Variants in MAP3K20 observed in about 807,000 individuals in gnomAD.
MAP3K20 encodes HCCS-4.
Under a neutral mutation model 85.7 loss-of-function variants are expected in MAP3K20, and 40 were observed. That is an observed-to-expected ratio of 0.47 (90% CI 0.36 to 0.61). The LOEUF (loss-of-function observed/expected upper bound fraction) is 0.61. Ranked by LOEUF, MAP3K20 falls within the 20% of genes least tolerant of loss-of-function variation. The pLI, the probability that MAP3K20 is intolerant of heterozygous loss-of-function variation, is 0.00. For missense variants in MAP3K20, 817 were observed against 961.7 expected (o/e 0.85, Z 1.99); for synonymous variants, 325 against 327.7 (o/e 0.99, Z 0.09).
intron 2 of MAP3K20, among the ~76,000 whole-genome samples, chr2:173,097,253 G>A (rs1037726021): frequency 6.6e-6 from 1 of 152,172 alleles, no homozygotes; most frequent in Non-Finnish European, 1.5e-5. Flanking sequence ...CTACTCGGGA[G>A]GCTGAGGCAG....
chr2:173,148,061 C>A (rs1689187224), intron 2 of MAP3K20, among the ~76,000 whole-genome samples: 1 of 152,106 alleles, frequency 6.6e-6, no homozygotes, highest in Non-Finnish European at 1.5e-5. Context: ...CAGAAAGACT[C>A]AAAAATAAAT....
At chr2:173,101,417 A>G (rs1687635571) in intron 2 of MAP3K20, among the ~76,000 whole-genome samples, 1 of 152,210 alleles carries the variant, frequency 6.6e-6, no homozygotes, top group Non-Finnish European at 1.5e-5. Flanking sequence ...TCACCTTTTC[A>G]TTAAAGTATT....
chr2:173,179,704 G>GCGCGCA lies in MAP3K20; in HGVS notation c.248-3149_248-3148insGCGCAC, dbSNP rs374335619. Among the ~76,000 whole-genome samples the GCGCGCA allele has an allele frequency of 0.011, 1,624 of 146,140 alleles. 49 individuals carry two copies. The East Asian group carries it at 0.13, about 12-fold the overall frequency. ...ATAGGTAGAAAATCCTAAGGAATGC[G>GCGCGCA]CACACACACACACACACACACACAC... On this transcript the variant is annotated intron_variant, in intron 3 of 19. Transcript: ENST00000375213.
chr2:173,204,449 G>C (rs139035185), intron 9 of MAP3K20, among the ~76,000 whole-genome samples: 2 of 152,306 alleles, frequency 1.3e-5, no homozygotes, highest in African/African-American at 4.8e-5. Context: ...AGCGCTTCTA[G>C]AGCATCTTGA....
intron 3 of MAP3K20, among the ~76,000 whole-genome samples, chr2:173,180,933 T>C (rs1269383533): frequency 6.6e-6 from 1 of 152,092 alleles, no homozygotes; most frequent in Non-Finnish European, 1.5e-5. Context: ...TGAAACATGA[T>C]CTTAAGAGAA....
At chr2:173,134,853 A>T (rs1216289005) in intron 2 of MAP3K20, among the ~76,000 whole-genome samples, 1 of 152,178 alleles carries the variant, frequency 6.6e-6, no homozygotes, top group Non-Finnish European at 1.5e-5. Flanking sequence ...AAACTTGTGA[A>T]TATCTTCAGA....
At chr2:173,096,522 T>G (rs1687466377) in intron 2 of MAP3K20, among the ~76,000 whole-genome samples, 1 of 152,100 alleles carries the variant, frequency 6.6e-6, no homozygotes, top group African/African-American at 2.4e-5. Flanking sequence ...TGTAGTTTAG[T>G]AGAAACGGGG....
intron 9 of MAP3K20, among the ~76,000 whole-genome samples, chr2:173,208,170 C>A (rs576798213): frequency 6.6e-6 from 1 of 152,020 alleles, no homozygotes; most frequent in Admixed American, 6.6e-5. Context: ...GAGGCTGAGG[C>A]AGGAAGATCA....
At chr2:173,109,926 T>C (rs1450938469) in intron 2 of MAP3K20, among the ~76,000 whole-genome samples, 2 of 151,770 alleles carry the variant, frequency 1.3e-5, no homozygotes, top group Admixed American at 6.6e-5. Context: ...AAAACCATCT[T>C]TCAGTTTGGG....
At chr2:173,240,275 A>C (rs961494534) in intron 16 of MAP3K20, among the ~76,000 whole-genome samples, 1 of 152,174 alleles carries the variant, frequency 6.6e-6, no homozygotes, top group Non-Finnish European at 1.5e-5. Flanking sequence ...ACTACTCATA[A>C]TGTGGAAGCC....
At chr2:173,175,084 C>T (rs1414453882) in intron 3 of MAP3K20, among the ~76,000 whole-genome samples, 1 of 152,154 alleles carries the variant, frequency 6.6e-6, no homozygotes, top group Non-Finnish European at 1.5e-5. Context: ...TGTTGCCCCT[C>T]CCTACTTCCC....
chr2:173,103,210 C>T (rs1687684796), intron 2 of MAP3K20, among the ~76,000 whole-genome samples: 1 of 152,100 alleles, frequency 6.6e-6, no homozygotes, highest in African/African-American at 2.4e-5. Flanking sequence ...TCCCTAAAAC[C>T]TCAGGATGTC....
intron 17 of MAP3K20, among the ~76,000 whole-genome samples, chr2:173,259,324 A>C (rs1482641873): frequency 6.6e-6 from 1 of 152,182 alleles, no homozygotes; most frequent in East Asian, 1.9e-4. Flanking sequence ...CTCCAGGGTC[A>C]ATGGTGGAAG....
At chr2:173,224,636 A>G (rs1471424740) in intron 11 of MAP3K20, 1 of 985,202 alleles carries the variant, frequency 1.0e-6, no homozygotes, top group Non-Finnish European at 1.2e-6. Flanking sequence ...AAGAGCTTAA[A>G]ATTGTTCTCC....
chr2:173,131,855 A>G (rs781345819), intron 2 of MAP3K20, among the ~76,000 whole-genome samples: 2 of 152,182 alleles, frequency 1.3e-5, no homozygotes, highest in African/African-American at 4.8e-5. Context: ...AGCAGAGGCA[A>G]GGTTGGCAGC....
chr2:173,079,567 T>C (rs1368785928), intron 1 of MAP3K20, among the ~76,000 whole-genome samples: 3 of 152,212 alleles, frequency 2.0e-5, no homozygotes, highest in Non-Finnish European at 4.4e-5. Flanking sequence ...AAATAACACT[T>C]AGCTTAAAAC....
intron 11 of MAP3K20, chr2:173,226,976 G>A: frequency 2.0e-6 from 2 of 985,636 alleles, no homozygotes; most frequent in Non-Finnish European, 2.4e-6. Context: ...CTCTTGTGTG[G>A]TAAGACTATT....
At chr2:173,223,280 A>T in intron 11 of MAP3K20, 1 of 977,564 alleles carries the variant, frequency 1.0e-6, no homozygotes, top group Non-Finnish European at 1.2e-6. Context: ...CAGTTGCTTG[A>T]CAACCTTGGG....
intron 16 of MAP3K20, among the ~76,000 whole-genome samples, chr2:173,253,374 C>T (rs1283318483): frequency 6.6e-6 from 1 of 152,142 alleles, no homozygotes; most frequent in African/African-American, 2.4e-5. Flanking sequence ...GTAAAGAATG[C>T]TGAGGTTCAG....
Sources: allele counts gnomAD v4.1 joint callset (sites outside exome capture counted in the v4.1 genomes callset), GRCh38; gene constraint gnomAD v4.1.1; transcripts MANE v1.5; gene names NCBI Gene and HGNC (gene_info 2026-07-23, HGNC 2026-07-21).